The following WDR75 variants were observed in gnomAD, a reference collection of about 807,000 sequenced individuals.
WDR75 encodes WD repeat domain 75.
WDR75 carries 52 observed loss-of-function variants against 106.1 expected under a neutral mutation model. The observed-to-expected ratio is 0.49, with a 90% confidence interval of 0.39 to 0.62. The LOEUF (loss-of-function observed/expected upper bound fraction) is 0.62, where lower values mean the gene tolerates loss of function less well. Ranked by LOEUF, WDR75 falls within the 20% of genes least tolerant of loss-of-function variation. The probability of loss-of-function intolerance (pLI) is 0.00; values close to 1 mark genes in which losing one functional copy is unlikely to be tolerated. For synonymous variants in WDR75, 333 were observed against 335.5 expected, an observed-to-expected ratio of 0.99 and a Z score of 0.08; for missense variants, 905 against 970.3, an observed-to-expected ratio of 0.93 and a Z score of 0.89.
Position 189,474,803 on chromosome 2 carries a change from T to G in WDR75, c.2283T>G (p.Thr761=). The G allele has an allele frequency of 3.7e-6, 6 of 1,613,270 alleles. No homozygotes were observed. Among genetic ancestry groups the G allele is most frequent in the Non-Finnish European group, 5.1e-6 (6 of 1,179,252 alleles). ...ATTCATTGCTGCTGTCTAAAGAGAC[T>G]AAGAGGTAAAGCAGTTCTTAAGACA... ...FVNSLLLSKE[T]KSAKEIPEDV... is the part of the protein sequence containing the mutation. The change falls in exon 20 of 21, where the codon ACT becomes ACG. Residue 761 remains threonine (T), a synonymous_variant. Coordinates refer to ENST00000314761, the MANE Select transcript of WDR75 (RefSeq NM_032168.3).
intron 7 of WDR75, 33 bp from the exon 8 acceptor site, chr2:189,459,302 TG>T: frequency 6.6e-7 from 1 of 1,514,422 alleles, no homozygotes; most frequent in Non-Finnish European, 9.1e-7. Context: ...CTTAAACCTA[TG>T]GTCAAAATAA....
intron 18 of WDR75, among the ~76,000 whole-genome samples, chr2:189,472,906 GA>G (rs77978987): frequency 0.14 from 21,562 of 150,038 alleles, 1,952 homozygotes; most frequent in South Asian, 0.2. Flanking sequence ...TATGCTAGAG[GA>G]AAAAAAAAAG....
chr2:189,454,874 C>T (rs900744841), intron 4 of WDR75, among the ~76,000 whole-genome samples: 84 of 152,218 alleles, frequency 5.5e-4, no homozygotes, highest in African/African-American at 2.0e-3. Context: ...ACAAAGAGTC[C>T]ACCTTTAAGG....
Position 189,467,556 on chromosome 2 carries a change from A to T in WDR75, c.1536A>T (p.Leu512Phe). The T allele has an allele frequency of 2.5e-6, 4 of 1,611,930 alleles. No homozygotes were observed. Among genetic ancestry groups the T allele is most frequent in the Non-Finnish European group, 3.4e-6 (4 of 1,178,836 alleles). ...TNCCFSEDGS[L>F]LAVSFEEIVT... ...GTTGTTTCTCCGAAGATGGTTCTTT[A>T]CTAGCAGTTAGTTTTGAGGAAATAG... Residue 512 changes from leucine to phenylalanine, a missense_variant, in exon 14 of 21, where the codon TTA (leucine) becomes TTT (phenylalanine). Physicochemically the swap from Leu to Phe is conservative, Grantham distance 22. Coordinates refer to ENST00000314761, the MANE Select transcript of WDR75 (RefSeq NM_032168.3).
intron 11 of WDR75, among the ~76,000 whole-genome samples, chr2:189,464,416 C>T (rs746802734): frequency 6.6e-6 from 1 of 152,066 alleles, no homozygotes; most frequent in Non-Finnish European, 1.5e-5. Flanking sequence ...TTTCTTGTTC[C>T]CCACAGTACT....
chr2:189,453,437 C>G lies in WDR75; in HGVS notation c.373+1542C>G, dbSNP rs572176954. ...TAGTTGCCAATAGCTGCTAGCAAAA[C>G]TTTTTACCCATGATTCTAAACACTG... On this transcript the variant is annotated intron_variant, in intron 4 of 20. Transcript: ENST00000314761. Among the ~76,000 whole-genome samples the G allele has an allele frequency of 3.3e-5, 5 of 152,256 alleles. No homozygotes were observed. The South Asian group carries it at 1.0e-3, about 32-fold the overall frequency.
chr2:189,471,910 T>C (rs1018830104), intron 18 of WDR75, among the ~76,000 whole-genome samples: 1 of 152,226 alleles, frequency 6.6e-6, no homozygotes, highest in African/African-American at 2.4e-5. Context: ...AGTTGTAGGT[T>C]GAAAATCATT....
chr2:189,442,253 A>G (rs995684944), intron 1 of WDR75, among the ~76,000 whole-genome samples: 1 of 152,166 alleles, frequency 6.6e-6, no homozygotes, highest in African/African-American at 2.4e-5. Context: ...ATGCCTCAAT[A>G]TGTTAAAACT....
rs1686543389 is a variant in WDR75, at chr2:189,448,362, C to A, written c.87-17C>A. On this transcript the variant is annotated splice_polypyrimidine_tract_variant and intron_variant, in intron 1 of 20. Transcript: ENST00000314761. ...AATACAGTATGTAAAACTTACTTTT[C>A]TTTCTTTTTTTTCCAGGTATATCTT... 6.2e-7 allele frequency: 1 copy of A among 1,607,626 alleles called. No individual in the cohort carries two copies. The highest frequency in any genetic ancestry group is 1.7e-4 in the Middle Eastern group (1 of 6,012).
At position 189,441,528 on chromosome 2, in the gene WDR75, T is replaced by C. The variant is rs760256469; in HGVS notation, c.36T>C (p.Cys12=). The C allele has an allele frequency of 1.9e-6, 3 of 1,565,500 alleles. No homozygotes were observed. The highest frequency in any genetic ancestry group is 2.4e-5 in the South Asian group (2 of 85,100). ...AGGAGAACATCCGCGTGGTTCGTTG[T>C]GGCGGCAGCGAGTTGAACTTTAGGA... ...VEEENIRVVR[C]GGSELNFRRA... Residue 12 remains cysteine (C), a synonymous_variant, in exon 1 of 21, where the codon TGT becomes TGC. Coordinates refer to ENST00000314761, the MANE Select transcript of WDR75 (RefSeq NM_032168.3).
chr2:189,449,478 G>A (rs922487068), intron 2 of WDR75: 1 of 1,096,558 alleles, frequency 9.1e-7, no homozygotes, highest in Non-Finnish European at 1.1e-6. Flanking sequence ...GTTTTTAATA[G>A]CAAAACTATT....
chr2:189,449,620 G>C (rs2106113135), intron 2 of WDR75: 2 of 1,039,054 alleles, frequency 1.9e-6, no homozygotes, highest in South Asian at 6.8e-5. Context: ...AGTTTTATCA[G>C]ATTTGGTTGA....
In WDR75 at chr2:189,475,343, C is replaced by G; in HGVS notation, c.2419C>G (p.Gln807Glu). The stretch of plus-strand genomic sequence containing the variant: ...AGGTTTAGGAGAAGACATTATACAT[C>G]AGTTGTCAAAATCTGAAGAAAAAGA... ...NTGLGEDIIH[Q>E]LSKSEEKELR... Residue 807 changes from glutamine to glutamate, a missense_variant, in exon 21 of 21, where the codon CAG (glutamine) becomes GAG (glutamate). Physicochemically the swap from Gln to Glu is conservative, Grantham distance 29. Transcript: ENST00000314761. The G allele has an allele frequency of 6.2e-7, 1 of 1,612,314 alleles. No individual in the cohort carries two copies. The highest frequency in any genetic ancestry group is 8.5e-7 in the Non-Finnish European group (1 of 1,179,124).
chr2:189,465,235 T>C lies in WDR75; in HGVS notation c.1270T>C (p.Tyr424His). ...ELELQMKLWM[Y>H]NKKTQGFILN... is the part of the protein sequence containing the mutation. ...TGAATTGCAAATGAAACTGTGGATG[T>C]ATAATAAGAAAACACAAGGGTAATA... Residue 424 changes from tyrosine to histidine, a missense_variant, in exon 12 of 21, where the codon TAT becomes CAT. Coordinates refer to ENST00000314761, the MANE Select transcript of WDR75 (RefSeq NM_032168.3). The C allele has an allele frequency of 6.2e-7, 1 of 1,612,250 alleles. No individual in the cohort carries two copies. Among genetic ancestry groups the C allele is most frequent in the Admixed American group, 1.7e-5 (1 of 59,776 alleles).
At chr2:189,443,106 C>G (rs1478760639) in intron 1 of WDR75, among the ~76,000 whole-genome samples, 2 of 152,146 alleles carry the variant, frequency 1.3e-5, no homozygotes, top group Admixed American at 1.3e-4. Context: ...AATATTGATC[C>G]TGCCTTCGAG....
At chr2:189,452,123 C>T (rs1348352556) in intron 4 of WDR75, 8 of 400,758 alleles carry the variant, frequency 2.0e-5, no homozygotes, top group Non-Finnish European at 3.6e-5. Flanking sequence ...GATTGCAGAC[C>T]TCAAATTTTA....
At chr2:189,451,071 T>C (rs901244680) in intron 3 of WDR75, 103 bp downstream of exon 3, 2 of 1,342,512 alleles carry the variant, frequency 1.5e-6, no homozygotes, top group African/African-American at 3.0e-5. Flanking sequence ...TAAATAGACT[T>C]CCTAAACAAG....
chr2:189,474,191 A>G lies in WDR75; in HGVS notation c.2055A>G (p.Leu685=), dbSNP rs760922236. 1.2e-5 allele frequency: 20 copies of G among 1,608,716 alleles called. No homozygotes were observed. The highest frequency in any genetic ancestry group is 1.7e-5 in the Admixed American group (1 of 58,732). ...TTTGTCTTAAATCCTTAAAGCTGCTAGCAGAAGAAAGTCTTCCCACAACCC... is the reference window on the plus strand; with the variant it reads ...TTTGTCTTAAATCCTTAAAGCTGCTGGCAGAAGAAAGTCTTCCCACAACCC... ...EKLTPTSKQL[L]AEESLPTTPF... Residue 685 remains leucine, a synonymous_variant, in exon 19 of 21, where the codon CTA becomes CTG. Coordinates refer to ENST00000314761, the MANE Select transcript of WDR75 (RefSeq NM_032168.3).
intron 2 of WDR75, chr2:189,449,894 A>G: frequency 8.1e-6 from 8 of 984,146 alleles, no homozygotes; most frequent in Non-Finnish European, 9.7e-6. Context: ...CACTTTCTTT[A>G]AAAATATTAA....
Sources: allele counts gnomAD v4.1 joint callset (sites outside exome capture counted in the v4.1 genomes callset), GRCh38; gene constraint gnomAD v4.1.1; transcripts MANE v1.5; gene names NCBI Gene and HGNC (gene_info 2026-07-23, HGNC 2026-07-21).